DOK7: variants seen among roughly 807,000 people sequenced by gnomAD.
DOK7 encodes protein Dok-7.
DOK7 carries 32 observed loss-of-function variants against 30.7 expected under a neutral mutation model. That is an observed-to-expected ratio of 1.04 (90% CI 0.79 to 1.40). DOK7 has a LOEUF of 1.40. DOK7 is among the 40% of genes most tolerant of loss of function. DOK7 has a pLI of 0.00. For synonymous variants in DOK7, 447 were observed against 324.1 expected (o/e 1.38, Z -4.07); for missense variants, 1,007 against 699.2 (o/e 1.44, Z -4.97).
chr4:3,496,974 C>T, downstream of DOK7: 1 of 842,854 alleles, frequency 1.2e-6, no homozygotes, highest in South Asian at 1.7e-5. Context: ...GGGTGGGGGG[C>T]CCACTGCCAG....
At chr4:3,489,559 C>G (rs1728036175) in intron 5 of DOK7, 118 bp from the exon 6 acceptor site, 1 of 1,505,988 alleles carries the variant, frequency 6.6e-7, no homozygotes, top group South Asian at 1.2e-5. Context: ...GCGGGGACTC[C>G]CAGGGGACTG....
At chr4:3,490,282 G>A (rs1577174367) in intron 6 of DOK7, among the ~76,000 whole-genome samples, 1 of 73,344 alleles carries the variant, frequency 1.4e-5, no homozygotes, top group African/African-American at 5.2e-5. Context: ...TCCCCACCTT[G>A]CTCATTCATT....
chr4:3,472,967 C>G (rs1167004982), intron 2 of DOK7, among the ~76,000 whole-genome samples: 1 of 152,212 alleles, frequency 6.6e-6, no homozygotes, highest in Admixed American at 6.5e-5. Context: ...ACAGGTGTGG[C>G]TGGCAGGGCG....
rs117625839 is a variant in DOK7, at chr4:3,480,196, T to C, written c.532+3654T>C. On this transcript the variant is annotated intron_variant, in intron 4 of 6. Transcript: ENST00000340083. ...AATGGAAGCTTTTGGAGGTGCCCCC[T>C]TTTTCCCCCCTTACCTGCTCTCTCC... Among the ~76,000 whole-genome samples the C allele has an allele frequency of 7.7e-3, 1,174 of 152,276 alleles. 24 individuals carry two copies. In the East Asian group the frequency reaches 0.089, roughly 12 times the overall value.
At chr4:3,500,888 G>A in exon 8 of DOK7, 11 of 1,467,114 alleles carry the variant, frequency 7.5e-6, no homozygotes, top group Non-Finnish European at 9.9e-6. Flanking sequence ...GCCCCCGGCA[G>A]GCCAGCCCCT....
rs7670054 is a variant in DOK7, at chr4:3,482,623, A to G, written c.533-2916A>G. Among the ~76,000 whole-genome samples, 1,330 of 152,392 alleles carry G rather than the reference A, an allele frequency of 8.7e-3. 22 individuals are homozygous for G. Among genetic ancestry groups the G allele is most frequent in the African/African-American group, 0.031 (1,280 of 41,594 alleles). ...CTCTGAGGGCAGGGATAGGGGAAAC[A>G]GAGTGGCCGGCTTTGCTGCAGTCAC... On this transcript the variant is annotated intron_variant, in intron 4 of 6. Transcript: ENST00000340083.
chr4:3,493,708 G>A lies in DOK7; in HGVS notation c.*207G>A. 7.0e-7 allele frequency: 1 copy of A among 1,434,616 alleles called. No individual in the cohort carries two copies. The highest frequency in any genetic ancestry group is 9.1e-7 in the Non-Finnish European group (1 of 1,097,288). 88.9% of individuals were successfully genotyped at this position (1,434,616 alleles called of 1,614,324 possible). On this transcript the variant is annotated 3_prime_UTR_variant, in exon 7 of 7. Transcript: ENST00000340083. ...GGGGAGGTGAGTTCTGGAAGGCAGGGGCTCTGGGTCCGGCAGGTCGGGGTC... is the reference window on the plus strand; with the variant it reads ...GGGGAGGTGAGTTCTGGAAGGCAGGAGCTCTGGGTCCGGCAGGTCGGGGTC...
At chr4:3,485,226 C>T (rs151135327) in intron 4 of DOK7, 27 of 296,252 alleles carry the variant, frequency 9.1e-5, no homozygotes, top group Middle Eastern at 9.3e-4. Context: ...CATGCCCTGT[C>T]GGCTGCAGGA....
At chr4:3,470,302 C>T (rs939969228) in intron 2 of DOK7, among the ~76,000 whole-genome samples, 7 of 152,206 alleles carry the variant, frequency 4.6e-5, no homozygotes, top group Non-Finnish European at 8.8e-5. Context: ...ATTACATATG[C>T]AGAAACCCTG....
Position 3,492,922 on chromosome 4 carries a change from G to T in DOK7, c.936G>T (p.Val312=). The change falls in exon 7 of 7, where the codon GTG becomes GTT. Residue 312 remains valine, a synonymous_variant. Coordinates refer to ENST00000340083, the MANE Select transcript of DOK7 (RefSeq NM_173660.5). Reference sequence around the variant, plus strand: ...CCCAGGCCGCCGGGGAAGCCATGGTGGGTGCCTCAAGGCCACCCCCCAAGC... The same window carrying T: ...CCCAGGCCGCCGGGGAAGCCATGGTTGGTGCCTCAAGGCCACCCCCCAAGC... ...AAAQAAGEAM[V]GASRPPPKPL... 6.4e-7 allele frequency: 1 copy of T among 1,565,020 alleles called. No homozygotes were observed. The highest frequency in any genetic ancestry group is 2.4e-5 in the East Asian group (1 of 41,940).
At chr4:3,489,412 G>C (rs743717) in intron 5 of DOK7, among the ~76,000 whole-genome samples, 89 of 152,292 alleles carry the variant, frequency 5.8e-4, no homozygotes, top group Non-Finnish European at 1.0e-3. Flanking sequence ...TCTGGCCGGC[G>C]TGGGGTCCTG....
At chr4:3,494,995 C>T (rs538317195), downstream of DOK7, among the ~76,000 whole-genome samples, 4 of 152,276 alleles carry the variant, frequency 2.6e-5, no homozygotes, top group South Asian at 2.1e-4. Flanking sequence ...TGACTCTGAG[C>T]GGGGAGTTCT....
In DOK7 at chr4:3,493,808, T is replaced by C; in HGVS notation, c.*307T>C. 7.8e-7 allele frequency: 1 copy of C among 1,288,650 alleles called. No individual in the cohort carries two copies. The highest frequency in any genetic ancestry group is 9.8e-7 in the Non-Finnish European group (1 of 1,017,540). The allele number at this position is 1,288,650 out of a possible 1,614,324, so 79.8% of individuals were successfully genotyped here. A position where few individuals can be genotyped will look rare whatever the true frequency, so the allele number is the denominator to read the frequency against. The stretch of plus-strand genomic sequence containing the variant: ...GGATCAGGTGAGTGCTGCACCTCTG[T>C]TGGCTCGTGCCTTGCACTGGGGTGC... On this transcript the variant is annotated 3_prime_UTR_variant, in exon 7 of 7. Transcript: ENST00000340083.
In DOK7 at chr4:3,494,041, A is replaced by AAAC. The variant is rs1442317104; in HGVS notation, c.*541_*543dup. On this transcript the variant is annotated 3_prime_UTR_variant, in exon 7 of 7. Transcript: ENST00000340083. ...GGGCCTCATCCCCATCTATGGGAGG[A>AAAC]AACTGAAGCTCAGGAGGCTGTGTGG... 9.1e-6 allele frequency: 9 copies of AAAC among 988,174 alleles called. No homozygotes were observed. In the East Asian group the frequency reaches 1.0e-3, roughly 112 times the overall value. 61.2% of individuals were successfully genotyped at this position (988,174 alleles called of 1,614,324 possible).
chr4:3,499,683 G>A (rs1329380210), intron 6 of DOK7, among the ~76,000 whole-genome samples: 1 of 152,074 alleles, frequency 6.6e-6, no homozygotes, highest in Non-Finnish European at 1.5e-5. Context: ...GGGGGGAGAG[G>A]GTGTGGGGCA....
intron 5 of DOK7, among the ~76,000 whole-genome samples, chr4:3,486,698 ACCCC>A (rs1560221571): frequency 2.6e-4 from 22 of 83,218 alleles, no homozygotes; most frequent in African/African-American, 8.5e-4. Flanking sequence ...TAGTGGATGC[ACCCC>A]TGCAGGTGTC....
chr4:3,493,040 C>T lies in DOK7; in HGVS notation c.1054C>T (p.Leu352Phe), dbSNP rs1037224921. ...TGSHSSYSSSLSSYAGSSLDV... is the reference protein window; with the variant it reads ...TGSHSSYSSSFSSYAGSSLDV... The stretch of plus-strand genomic sequence containing the variant: ...CAGCCACTCCTCTTACTCCAGCAGC[C>T]TCTCGTCCTACGCGGGCAGCAGCCT... The change falls in exon 7 of 7, where the codon CTC (leucine) becomes TTC (phenylalanine). Residue 352 changes from leucine to phenylalanine, a missense_variant. Coordinates refer to ENST00000340083, the MANE Select transcript of DOK7 (RefSeq NM_173660.5). The T allele has an allele frequency of 1.3e-6, 2 of 1,572,900 alleles. No homozygotes were observed. The highest frequency in any genetic ancestry group is 1.3e-5 in the African/African-American group (1 of 74,394).
At chr4:3,491,993 C>G (rs190745433) in intron 6 of DOK7, among the ~76,000 whole-genome samples, 7 of 152,244 alleles carry the variant, frequency 4.6e-5, no homozygotes, top group Admixed American at 2.0e-4. Flanking sequence ...TCCCCTCCTG[C>G]CCTGCCCCAG....
intron 6 of DOK7, among the ~76,000 whole-genome samples, chr4:3,490,097 C>T (rs552471511): frequency 1.1e-5 from 1 of 88,918 alleles, no homozygotes; most frequent in African/African-American, 3.7e-5. Flanking sequence ...CTCATTCATT[C>T]CTTTCTTCAC....
Sources: gnomAD v4.1 joint callset for allele counts (sites outside exome capture counted in the v4.1 genomes callset) on GRCh38, gnomAD v4.1.1 for gene constraint, MANE v1.5 for transcripts, NCBI Gene and HGNC (gene_info 2026-07-23, HGNC 2026-07-21) for gene names.